WDR19: variants seen among roughly 807,000 people sequenced by gnomAD.
WDR19 encodes the protein WD repeat-containing protein 19.
A neutral mutation model predicts 180.0 loss-of-function variants in WDR19; 121 were observed. The observed-to-expected ratio is 0.67, with a 90% CI of 0.58 to 0.78. The LOEUF (loss-of-function observed/expected upper bound fraction) is 0.78, where lower values mean the gene tolerates loss of function less well. Among genes scored for constraint, WDR19 ranks in the 30% least tolerant of loss-of-function variants. The pLI is 0.00. For synonymous variants in WDR19, 497 were observed against 540.7 expected (o/e 0.92, Z 1.12); for missense variants, 1,450 against 1,640.7 (o/e 0.88, Z 2.01).
chr4:39,186,121 C>T (rs568954111), intron 2 of WDR19, among the ~76,000 whole-genome samples: 1 of 152,038 alleles, frequency 6.6e-6, no homozygotes, highest in South Asian at 2.1e-4. Context: ...TATGCAAATT[C>T]TGAAACTATC....
intron 24 of WDR19, among the ~76,000 whole-genome samples, chr4:39,250,434 T>C (rs1733037295): frequency 6.6e-6 from 1 of 152,198 alleles, no homozygotes; most frequent in Non-Finnish European, 1.5e-5. Context: ...GCATTCCCTT[T>C]GAAAACCGTC....
Position 39,228,571 on chromosome 4 carries a change from A to G in WDR19, c.1863A>G (p.Gln621=). Residue 621 remains glutamine (Q), a synonymous_variant, in exon 17 of 37, where the codon CAA becomes CAG. Transcript: ENST00000399820. ...TATATAATGGAGAGCTGACCTGCCA[A>G]ACACAGAGTGGAAAAGTAAACAACA... ...LLLYNGELTC[Q]TQSGKVNNIY... The G allele has an allele frequency of 6.2e-7, 1 of 1,613,954 alleles. No individual in the cohort carries two copies. The highest frequency in any genetic ancestry group is 8.5e-7 in the Non-Finnish European group (1 of 1,179,850).
chr4:39,279,603 T>A (rs1736251642), intron 36 of WDR19, among the ~76,000 whole-genome samples: 1 of 152,102 alleles, frequency 6.6e-6, no homozygotes. Context: ...TCCAAAATGT[T>A]TTCCACAGAA....
At chr4:39,251,665 GA>G (rs1733203774) in intron 24 of WDR19, among the ~76,000 whole-genome samples, 4 of 151,648 alleles carry the variant, frequency 2.6e-5, no homozygotes, top group Admixed American at 2.6e-4. Flanking sequence ...AAATTTACAA[GA>G]AAAAAACAAC....
intron 6 of WDR19, among the ~76,000 whole-genome samples, chr4:39,202,934 G>A (rs1391249922): frequency 6.6e-6 from 1 of 151,922 alleles, no homozygotes; most frequent in Non-Finnish European, 1.5e-5. Context: ...TAGAGGTTCT[G>A]GGTTAGTTTT....
chr4:39,265,066 G>A (rs951552327), intron 28 of WDR19, among the ~76,000 whole-genome samples: 4 of 151,676 alleles, frequency 2.6e-5, no homozygotes, highest in Non-Finnish European at 5.9e-5. Flanking sequence ...TTACAGGCAC[G>A]CACTACCACA....
intron 9 of WDR19, among the ~76,000 whole-genome samples, chr4:39,211,835 T>A (rs1472806759): frequency 6.6e-6 from 1 of 151,992 alleles, no homozygotes; most frequent in African/African-American, 2.4e-5. Context: ...AGATATCAGT[T>A]CCCCCAGGTT....
At chr4:39,210,934 C>A (rs1369409485) in intron 9 of WDR19, among the ~76,000 whole-genome samples, 1 of 151,982 alleles carries the variant, frequency 6.6e-6, no homozygotes, top group Non-Finnish European at 1.5e-5. Context: ...CCCAAGAGTT[C>A]AAGACCAGCC....
At position 39,235,345 on chromosome 4, in the gene WDR19, A is replaced by G. The variant is rs570539965; in HGVS notation, c.2363+470A>G. On this transcript the variant is annotated intron_variant, in intron 20 of 36. Coordinates refer to ENST00000399820, the MANE Select transcript of WDR19 (RefSeq NM_025132.4). Reference sequence around the variant, plus strand: ...GAGACAGGGTCTCACCATCTTGACCAGGCTGGTCTCCTGGGCTCAAGTGAT... The same window carrying G: ...GAGACAGGGTCTCACCATCTTGACCGGGCTGGTCTCCTGGGCTCAAGTGAT... Among the ~76,000 whole-genome samples, 8 of 152,244 alleles carry G rather than the reference A, an allele frequency of 5.3e-5. No homozygotes were observed. The South Asian group carries it at 1.5e-3, about 28-fold the overall frequency.
chr4:39,185,920 G>A (rs1725481071), intron 2 of WDR19, 103 bp downstream of exon 2: 6 of 985,492 alleles, frequency 6.1e-6, no homozygotes, highest in Non-Finnish European at 8.7e-6. Context: ...TTTTTAAATG[G>A]AGTCTAGCTT....
intron 30 of WDR19, 133 bp from the exon 31 acceptor site, chr4:39,269,843 T>C (rs1030991614): frequency 1.7e-6 from 2 of 1,185,464 alleles, no homozygotes; most frequent in Non-Finnish European, 2.4e-6. Context: ...ATCTGCTGAG[T>C]TGCTTTGAAT....
intron 19 of WDR19, among the ~76,000 whole-genome samples, chr4:39,232,918 TG>T (rs1577947247): frequency 6.6e-6 from 1 of 152,314 alleles, no homozygotes; most frequent in East Asian, 1.9e-4. Flanking sequence ...ATAAAATGCA[TG>T]GTATTATAAC....
intron 12 of WDR19, among the ~76,000 whole-genome samples, 191 bp downstream of exon 12, chr4:39,216,401 T>C (rs1729073793): frequency 6.6e-6 from 1 of 152,250 alleles, no homozygotes; most frequent in South Asian, 2.1e-4. Flanking sequence ...TTCTTTACCT[T>C]TGTAGTGAAG....
At chr4:39,199,362 C>A in intron 5 of WDR19, 116 bp from the exon 6 acceptor site, 1 of 749,510 alleles carries the variant, frequency 1.3e-6, no homozygotes, top group Non-Finnish European at 2.2e-6. Context: ...ACATTAACTG[C>A]TTTGATGAAA....
chr4:39,284,365 A>C (rs1384024876), intron 36 of WDR19, among the ~76,000 whole-genome samples: 3 of 119,014 alleles, frequency 2.5e-5, no homozygotes, highest in South Asian at 2.6e-4. Context: ...TTGAGACAGG[A>C]TCTCACTCTG....
intron 14 of WDR19, chr4:39,219,187 TATC>T (rs1210659766): frequency 2.0e-5 from 3 of 152,356 alleles, no homozygotes; most frequent in South Asian, 2.1e-4. Flanking sequence ...AGTCATTTAT[TATC>T]ATCATCAAGT....
intron 12 of WDR19, 62 bp downstream of exon 12, chr4:39,216,272 G>A: frequency 7.5e-7 from 1 of 1,341,228 alleles, no homozygotes; most frequent in Non-Finnish European, 1.0e-6. Flanking sequence ...TATTTGGGAA[G>A]CACTGCAAGT....
rs1734761593 is a variant in WDR19 at position 39,266,075 on chromosome 4, A to G, written c.3196A>G (p.Lys1066Glu). 1 of 1,555,914 alleles carries G rather than the reference A, an allele frequency of 6.4e-7. No individual in the cohort carries two copies. The highest frequency in any genetic ancestry group is 8.7e-7 in the Non-Finnish European group (1 of 1,149,296). The change falls in exon 29 of 37, where the codon AAA becomes GAA. Residue 1066 changes from lysine to glutamate, a missense_variant. Coordinates refer to ENST00000399820, the MANE Select transcript of WDR19 (RefSeq NM_025132.4). Reference protein sequence around the residue: ...EMAIETVGQAKDELLTNQLID... With the variant: ...EMAIETVGQAEDELLTNQLID... The stretch of plus-strand genomic sequence containing the variant: ...TCTTATTAAACAGGTTGGTCAGGCC[A>G]AAGATGAACTGCTGACCAATCAGCT...
At chr4:39,217,287 C>T in intron 13 of WDR19, 47 bp downstream of exon 13, 1 of 1,383,512 alleles carries the variant, frequency 7.2e-7, no homozygotes, top group Middle Eastern at 2.1e-4. Context: ...TTATAATGAA[C>T]AGCCTAATGT....
Sources: gnomAD v4.1 joint callset for allele counts (sites outside exome capture counted in the v4.1 genomes callset) on GRCh38, gnomAD v4.1.1 for gene constraint, MANE v1.5 for transcripts, NCBI Gene and HGNC (gene_info 2026-07-23, HGNC 2026-07-21) for gene names.